STAB2: variants seen among roughly 807,000 people sequenced by gnomAD.
STAB2 encodes the protein stabilin-2.
Under a neutral mutation model 338.1 loss-of-function variants are expected in STAB2, and 288 were observed. That is an observed-to-expected ratio of 0.85 (90% confidence interval 0.77 to 0.94). STAB2 has a LOEUF of 0.94. Ranked by LOEUF, STAB2 falls within the 40% of genes least tolerant of loss-of-function variation. STAB2 has a pLI of 0.00. For missense variants in STAB2, 3,141 were observed against 3,210.1 expected, an observed-to-expected ratio of 0.98 and a Z score of 0.52; for synonymous variants, 1,202 against 1,193.3, an observed-to-expected ratio of 1.01 and a Z score of -0.15.
rs267603276 is a variant in STAB2, at chr12:103,761,411, G to A, written c.7359+1G>A. Reference sequence around the variant, plus strand: ...TTTAAAAGCACCCCCTGCCCCCGTGGTGAGTATCTAGGGTCCCTGATAACG... The same window carrying A: ...TTTAAAAGCACCCCCTGCCCCCGTGATGAGTATCTAGGGTCCCTGATAACG... On this transcript the variant is annotated splice_donor_variant, in intron 66 of 68. Transcript: ENST00000388887. LOFTEE classifies it high-confidence loss of function. 1.2e-6 allele frequency: 2 copies of A among 1,613,044 alleles called. No individual in the cohort carries two copies. The highest frequency in any genetic ancestry group is 2.7e-5 in the African/African-American group (2 of 74,852).
Position 103,762,323 on chromosome 12 carries a change from T to G in STAB2, c.7409T>G (p.Leu2470Arg). The change falls in exon 67 of 69, where the codon CTG becomes CGG. Residue 2470 changes from leucine to arginine, a missense_variant. By Grantham distance (102) the Leu-to-Arg change is moderately radical. Transcript: ENST00000388887. ...LGAGIFFAII[L>R]VTGAVALAAY... ...GCAGGGATCTTCTTTGCCATCATCC[T>G]GGTGACTGGGGCTGTTGCCTTGGCT... 6.2e-7 allele frequency: 1 copy of G among 1,614,262 alleles called. No homozygotes were observed. The highest frequency in any genetic ancestry group is 1.7e-5 in the Admixed American group (1 of 60,030).
intron 53 of STAB2, among the ~76,000 whole-genome samples, chr12:103,738,892 A>C: frequency 6.6e-6 from 1 of 152,238 alleles, no homozygotes; most frequent in Non-Finnish European, 1.5e-5. Context: ...TTCAGAGAAC[A>C]AAACCACGGA....
In STAB2 at chr12:103,666,325, G is replaced by A; in HGVS notation, c.2057G>A (p.Ser686Asn). 6.2e-7 allele frequency: 1 copy of A among 1,614,186 alleles called. No individual in the cohort carries two copies. Among genetic ancestry groups the A allele is most frequent in the Non-Finnish European group, 8.5e-7 (1 of 1,180,044 alleles). The change falls in exon 19 of 69, where the codon AGC becomes AAC. Residue 686 changes from serine (S) to asparagine (N), a missense_variant. Transcript: ENST00000388887. ...TCVSCSLVYW[S>N]RCPANSEPTA... The stretch of plus-strand genomic sequence containing the variant: ...GTGAGCTGTTCTCTGGTGTACTGGA[G>A]CAGATGTCCTGCTAACTCTGAGCCC...
chr12:103,734,434 C>CT (rs1881938576), intron 51 of STAB2, among the ~76,000 whole-genome samples: 1 of 151,604 alleles, frequency 6.6e-6, no homozygotes, highest in Non-Finnish European at 1.5e-5. Flanking sequence ...AGCATGCAGT[C>CT]TTATAGGAGC....
At chr12:103,670,490 A>C (rs1374175853) in intron 21 of STAB2, among the ~76,000 whole-genome samples, 1 of 152,168 alleles carries the variant, frequency 6.6e-6, no homozygotes, top group Non-Finnish European at 1.5e-5. Flanking sequence ...GACTTCCCTT[A>C]AAGTTCTAAA....
At chr12:103,703,953 A>T (rs1243561279) in intron 35 of STAB2, among the ~76,000 whole-genome samples, 7 of 152,200 alleles carry the variant, frequency 4.6e-5, no homozygotes, top group Non-Finnish European at 1.0e-4. Context: ...TAACTAATAC[A>T]TGCAGGTTCA....
chr12:103,746,993 G>A (rs910756929), intron 58 of STAB2, among the ~76,000 whole-genome samples: 1 of 105,776 alleles, frequency 9.5e-6, no homozygotes, highest in Admixed American at 1.3e-4. Context: ...TTTCACGCTT[G>A]TTGCCCAGGC....
chr12:103,595,933 G>A (rs1453353320), intron 3 of STAB2, among the ~76,000 whole-genome samples: 1 of 152,150 alleles, frequency 6.6e-6, no homozygotes, highest in Non-Finnish European at 1.5e-5. Context: ...GAAATGCCTG[G>A]ATTAGACTCC....
At chr12:103,747,851 C>T (rs1288219320) in intron 58 of STAB2, among the ~76,000 whole-genome samples, 21 of 151,888 alleles carry the variant, frequency 1.4e-4, no homozygotes, top group East Asian at 1.9e-4. Context: ...AAAAATTAGC[C>T]GGGCATGGTG....
At chr12:103,735,020 C>G (rs1019146729) in intron 51 of STAB2, among the ~76,000 whole-genome samples, 3 of 152,180 alleles carry the variant, frequency 2.0e-5, no homozygotes, top group African/African-American at 7.2e-5. Context: ...AGAGTCCACT[C>G]TACTCCAGGA....
chr12:103,640,631 G>A (rs988961110), intron 9 of STAB2, among the ~76,000 whole-genome samples: 3 of 152,180 alleles, frequency 2.0e-5, no homozygotes, highest in Admixed American at 1.3e-4. Context: ...TTGCTTGTTA[G>A]AGGTGCAAAA....
intron 18 of STAB2, among the ~76,000 whole-genome samples, chr12:103,664,825 T>A (rs1013200880): frequency 1.3e-5 from 2 of 152,234 alleles, no homozygotes; most frequent in African/African-American, 4.8e-5. Flanking sequence ...GCCAGTCAGA[T>A]GCCATCTGGA....
In STAB2 at chr12:103,705,721, C is replaced by T. The variant is rs148465603; in HGVS notation, c.3990C>T (p.Thr1330=). ...FIGCQPKCVR[T]VITRECCAGF... is the part of the protein sequence containing the mutation. ...GGTGCCAGCCAAAATGTGTGAGAAC[C>T]GTCATTGTGAGTACAATAATTGAAT... Residue 1330 remains threonine, a synonymous_variant, in exon 37 of 69, where the codon ACC becomes ACT. Coordinates refer to ENST00000388887, the MANE Select transcript of STAB2 (RefSeq NM_017564.10). 2.2e-5 allele frequency: 36 copies of T among 1,614,008 alleles called. No individual in the cohort carries two copies. The African/African-American group carries it at 3.9e-4, about 17-fold the overall frequency.
Position 103,652,639 on chromosome 12 carries a change from T to C in STAB2, c.1341T>C (p.Tyr447=), listed in dbSNP as rs141008413. ...TTGCTGGTCAGATGAACATCGAATATATGAATAACACAGACATGTTCTACA... is the reference window on the plus strand; with the variant it reads ...TTGCTGGTCAGATGAACATCGAATACATGAATAACACAGACATGTTCTACA... ...HIIAGQMNIE[Y]MNNTDMFYTL... The change falls in exon 12 of 69, where the codon TAT becomes TAC. Residue 447 remains tyrosine, a synonymous_variant. Coordinates refer to ENST00000388887, the MANE Select transcript of STAB2 (RefSeq NM_017564.10). 4.3e-6 allele frequency: 7 copies of C among 1,610,284 alleles called. No homozygotes were observed. The Middle Eastern group carries it at 6.6e-4, about 151-fold the overall frequency.
intron 18 of STAB2, among the ~76,000 whole-genome samples, chr12:103,665,286 G>C (rs905731759): frequency 1.3e-5 from 2 of 152,200 alleles, no homozygotes. Flanking sequence ...TGAATCTATA[G>C]CTGCCTTTGG....
intron 25 of STAB2, among the ~76,000 whole-genome samples, chr12:103,682,481 A>C (rs1426632078): frequency 6.6e-6 from 1 of 152,214 alleles, no homozygotes; most frequent in Non-Finnish European, 1.5e-5. Context: ...AAATGTTTCT[A>C]AATTGAACAA....
In STAB2 at chr12:103,755,344, C is replaced by A. The variant is rs374688619; in HGVS notation, c.6757C>A (p.Arg2253=). The A allele has an allele frequency of 1.2e-6, 2 of 1,613,976 alleles. No individual in the cohort carries two copies. Among genetic ancestry groups the A allele is most frequent in the African/African-American group, 1.3e-5 (1 of 74,942 alleles). The change falls in exon 62 of 69, where the codon CGG becomes AGG. Residue 2253 remains arginine, a synonymous_variant. Coordinates refer to ENST00000388887, the MANE Select transcript of STAB2 (RefSeq NM_017564.10). ...CTCAGCAGGCTGGCTGGAGACCGGG[C>A]GGGTTGCCTACCCCACAGCCTTCGC... is the stretch of plus-strand genomic sequence containing the variant. ...LCSAGWLETG[R]VAYPTAFASQ... is the part of the protein sequence containing the mutation.
chr12:103,639,645 AAT>A (rs1244523874), intron 8 of STAB2, among the ~76,000 whole-genome samples: 5 of 150,920 alleles, frequency 3.3e-5, no homozygotes, highest in Admixed American at 6.6e-5. Flanking sequence ...TAAAGGCTGC[AAT>A]GAGCCAAAAT....
intron 19 of STAB2, among the ~76,000 whole-genome samples, chr12:103,667,551 A>G (rs1414650885): frequency 1.3e-5 from 2 of 152,142 alleles, no homozygotes; most frequent in Non-Finnish European, 2.9e-5. Flanking sequence ...GAAGAGGGAA[A>G]AGAAAGGGAA....
Sources: allele counts gnomAD v4.1 joint callset (sites outside exome capture counted in the v4.1 genomes callset), GRCh38; gene constraint gnomAD v4.1.1; transcripts MANE v1.5; gene names NCBI Gene and HGNC (gene_info 2026-07-23, HGNC 2026-07-21).